The following P4HA3 variants were observed in gnomAD, a reference collection of about 807,000 sequenced individuals.
P4HA3 encodes the protein prolyl 4-hydroxylase subunit alpha 3.
A neutral mutation model predicts 66.7 loss-of-function variants in P4HA3; 60 were observed. The observed-to-expected ratio is 0.90, with a 90% CI of 0.73 to 1.12. The LOEUF (loss-of-function observed/expected upper bound fraction) is 1.12. Among genes scored for constraint, P4HA3 ranks in the 50% most tolerant of loss-of-function variants. The pLI is 0.00. For missense variants in P4HA3, 683 were observed against 685.8 expected (o/e 1.00, Z 0.05); for synonymous variants, 263 against 274.6 (o/e 0.96, Z 0.42).
chr11:74,276,945 C>T, intron 9 of P4HA3, 40 bp downstream of exon 9: 1 of 1,571,220 alleles, frequency 6.4e-7, no homozygotes. Flanking sequence ...AATGCCCTGG[C>T]TCCCTACCCC....
intron 10 of P4HA3, among the ~76,000 whole-genome samples, chr11:74,272,286 C>T (rs1860231650): frequency 6.6e-6 from 1 of 152,106 alleles, no homozygotes; most frequent in South Asian, 2.1e-4. Flanking sequence ...ACCCACGCTA[C>T]CTTCGCTATA....
At chr11:74,253,896 A>T (rs539937907) in intron 15 of P4HA3, 3 of 329,512 alleles carry the variant, frequency 9.1e-6, no homozygotes, top group African/African-American at 4.2e-5. Flanking sequence ...ATTCCTTGAG[A>T]TTGTCTTGGC....
At chr11:74,285,528 G>T in intron 7 of P4HA3, 1 of 306,132 alleles carries the variant, frequency 3.3e-6, no homozygotes, top group Non-Finnish European at 6.1e-6. Context: ...TTTGACAAAT[G>T]CATACAGCCA....
intron 4 of P4HA3, among the ~76,000 whole-genome samples, chr11:74,293,142 CA>C (rs1861090752): frequency 2.0e-5 from 3 of 152,016 alleles, no homozygotes; most frequent in African/African-American, 7.2e-5. Flanking sequence ...GTATTGGGTG[CA>C]TATATATTTA....
chr11:74,286,514 ACTC>A, intron 5 of P4HA3, 123 bp from the exon 6 acceptor site: 1 of 847,380 alleles, frequency 1.2e-6, no homozygotes, highest in East Asian at 2.9e-5. Context: ...CTCCTGAATA[ACTC>A]CTCATGTCAA....
intron 11 of P4HA3, 102 bp downstream of exon 11, chr11:74,269,550 C>T: frequency 8.0e-7 from 1 of 1,249,762 alleles, no homozygotes; most frequent in Non-Finnish European, 1.1e-6. Context: ...TCTTTTTGGC[C>T]CTCCTCCCAG....
At chr11:74,261,848 T>G (rs1859911950), downstream of P4HA3, among the ~76,000 whole-genome samples, 1 of 152,196 alleles carries the variant, frequency 6.6e-6, no homozygotes, top group South Asian at 2.1e-4. Flanking sequence ...TACCATTATT[T>G]GCCCACTGTG....
intron 4 of P4HA3, among the ~76,000 whole-genome samples, chr11:74,289,725 T>A (rs1479742577): frequency 6.6e-6 from 1 of 151,838 alleles, no homozygotes; most frequent in East Asian, 1.9e-4. Flanking sequence ...GATATTTTTC[T>A]GAGAATGACG....
intron 4 of P4HA3, among the ~76,000 whole-genome samples, chr11:74,291,069 A>G (rs540800779): frequency 1.1e-3 from 170 of 152,174 alleles, no homozygotes; most frequent in African/African-American, 4.0e-3. Context: ...GATTCTTCCT[A>G]CCCATGAGCA....
At chr11:74,281,059 C>A (rs1466464409) in intron 7 of P4HA3, among the ~76,000 whole-genome samples, 2 of 151,930 alleles carry the variant, frequency 1.3e-5, no homozygotes, top group Non-Finnish European at 2.9e-5. Flanking sequence ...AAAAAGTGGG[C>A]GAAGGACATG....
intron 1 of P4HA3, among the ~76,000 whole-genome samples, chr11:74,311,118 A>G (rs10898977): frequency 0.53 from 79,801 of 151,764 alleles, 21,075 homozygotes; most frequent in African/African-American, 0.53. Context: ...GGGTGCCACT[A>G]TGTGTGTGAT....
Position 74,286,213 on chromosome 11 carries a change from C to T in P4HA3, c.933+15G>A. On this transcript the variant is annotated intron_variant, in intron 6 of 12. Coordinates refer to ENST00000331597, the MANE Select transcript of P4HA3 (RefSeq NM_182904.5). ...CCAGGCCTCTCCCCCTTTCTCTTTC[C>T]CTGAGGAATCCTACCTGGGAACCCA... 6.2e-7 allele frequency: 1 copy of T among 1,609,592 alleles called. No homozygotes were observed. The highest frequency in any genetic ancestry group is 8.5e-7 in the Non-Finnish European group (1 of 1,178,674).
At chr11:74,250,762 A>G in intron 15 of P4HA3, 1 of 574,682 alleles carries the variant, frequency 1.7e-6, no homozygotes, top group South Asian at 2.3e-5. Context: ...GAAAAAGTGA[A>G]GGGAAATGAT....
chr11:74,261,827 T>A (rs1189289495), downstream of P4HA3, among the ~76,000 whole-genome samples: 1 of 152,154 alleles, frequency 6.6e-6, no homozygotes, highest in African/African-American at 2.4e-5. Flanking sequence ...TAAAATACCA[T>A]CAAATATTGG....
chr11:74,292,370 A>G (rs1861060846), intron 4 of P4HA3, among the ~76,000 whole-genome samples: 1 of 151,842 alleles, frequency 6.6e-6, no homozygotes, highest in Non-Finnish European at 1.5e-5. Flanking sequence ...CGGTCTATCA[A>G]TTTTGTTGAT....
Position 74,311,600 on chromosome 11 carries a change from C to A in P4HA3, c.12G>T (p.Gly4=). 1 of 1,523,840 alleles carries A rather than the reference C, an allele frequency of 6.6e-7. No individual in the cohort carries two copies. The highest frequency in any genetic ancestry group is 8.7e-7 in the Non-Finnish European group (1 of 1,147,242). 94.4% of individuals were successfully genotyped at this position (1,523,840 alleles called of 1,614,324 possible). A position where few individuals can be genotyped will look rare whatever the true frequency, so the allele number is the denominator to read the frequency against. MGP[G]ARLAALLAVL... is the part of the protein sequence containing the mutation. ...CCGCCAGCAGCGCCGCCAGCCGCGC[C>A]CCAGGACCCATAGCCAGCGCTCGCG... Residue 4 remains glycine (G), a synonymous_variant, in exon 1 of 13, where the codon GGG becomes GGT. Transcript: ENST00000331597.
chr11:74,256,533 G>A (rs1390639111), intron 15 of P4HA3, among the ~76,000 whole-genome samples: 1 of 152,186 alleles, frequency 6.6e-6, no homozygotes, highest in Non-Finnish European at 1.5e-5. Flanking sequence ...CACCCCAGAA[G>A]AGAAGGGACC....
At chr11:74,285,711 G>T in intron 7 of P4HA3, 98 bp downstream of exon 7, 1 of 1,293,640 alleles carries the variant, frequency 7.7e-7, no homozygotes, top group Non-Finnish European at 1.1e-6. Context: ...TTGGCTCTTT[G>T]AGGTGTCTAG....
intron 10 of P4HA3, among the ~76,000 whole-genome samples, chr11:74,270,305 C>T (rs1159578354): frequency 6.6e-6 from 1 of 152,184 alleles, no homozygotes; most frequent in Non-Finnish European, 1.5e-5. Context: ...ATAGGAACTA[C>T]TTATTACACC....
Sources: gnomAD v4.1 joint callset for allele counts (sites outside exome capture counted in the v4.1 genomes callset) on GRCh38, gnomAD v4.1.1 for gene constraint, MANE v1.5 for transcripts, NCBI Gene and HGNC (gene_info 2026-07-23, HGNC 2026-07-21) for gene names.